Variants in TRA2B observed in about 807,000 individuals in gnomAD.
TRA2B encodes the protein transformer 2 beta homolog, also known as transformer-2 protein homolog beta.
Under a neutral mutation model 41.7 loss-of-function variants are expected in TRA2B, and 14 were observed. That is an observed-to-expected ratio of 0.34 (90% CI 0.22 to 0.53). TRA2B has a LOEUF of 0.53. Ranked by LOEUF, TRA2B falls within the 20% of genes least tolerant of loss-of-function variation. The probability of loss-of-function intolerance (pLI) is 0.95; values close to 1 mark genes in which losing one functional copy is unlikely to be tolerated. For synonymous variants in TRA2B, 130 were observed against 128.8 expected, an observed-to-expected ratio of 1.01 and a Z score of -0.06; for missense variants, 167 against 396.8, an observed-to-expected ratio of 0.42 and a Z score of 4.92.
In TRA2B at chr3:185,919,512, G is replaced by A. The variant is rs1331555892; in HGVS notation, c.723-16C>T. ...ACCTCCTCCTCTGTGAAGACAGAAA[G>A]GCAACACAACACGCATTCAGTTTGT... On this transcript the variant is annotated splice_polypyrimidine_tract_variant and intron_variant, in intron 6 of 8. Coordinates refer to ENST00000453386, the MANE Select transcript of TRA2B (RefSeq NM_004593.3). 25 of 1,606,844 alleles carry A rather than the reference G, an allele frequency of 1.6e-5. No homozygotes were observed. Among genetic ancestry groups the A allele is most frequent in the South Asian group, 2.2e-5 (2 of 89,824 alleles).
chr3:185,925,571 G>C lies in TRA2B; in HGVS notation c.226C>G (p.Arg76Gly). Reference sequence around the variant, plus strand: ...CTGCTACGTGATCGTCTATGGGAGCGGGAGCGAGACCGTGACCGGGTATAA... The same window carrying C: ...CTGCTACGTGATCGTCTATGGGAGCCGGAGCGAGACCGTGACCGGGTATAA... ...RHYTRSRSRS[R>G]SHRRSRSRSY... Residue 76 changes from arginine (R) to glycine (G), a missense_variant, in exon 3 of 9, where the codon CGC (arginine) becomes GGC (glycine). Transcript: ENST00000453386. 1 of 1,614,112 alleles carries C rather than the reference G, an allele frequency of 6.2e-7. No individual in the cohort carries two copies. The highest frequency in any genetic ancestry group is 8.5e-7 in the Non-Finnish European group (1 of 1,180,000).
chr3:185,935,899 A>AC, intron 1 of TRA2B: 1 of 984,390 alleles, frequency 1.0e-6, no homozygotes. Context: ...CTTATGTAAG[A>AC]AAAAAAACTC....
Position 185,933,680 on chromosome 3 carries a change from C to T in TRA2B, c.36+4145G>A, listed in dbSNP as rs150242174. On this transcript the variant is annotated intron_variant, in intron 1 of 8. Coordinates refer to ENST00000453386, the MANE Select transcript of TRA2B (RefSeq NM_004593.3). ...TTTTTTCTGGCAGCCAAACTGTCTA[C>T]CAGAAGAGTAAATGGATAAGTAAAT... is the stretch of plus-strand genomic sequence containing the variant. Among the ~76,000 whole-genome samples the T allele has an allele frequency of 3.0e-4, 46 of 151,936 alleles. No homozygotes were observed. In the East Asian group the frequency reaches 8.9e-3, roughly 29 times the overall value.
chr3:185,934,635 G>C, intron 1 of TRA2B: 1 of 985,374 alleles, frequency 1.0e-6, no homozygotes, highest in Non-Finnish European at 1.2e-6. Context: ...AATTTGGTGA[G>C]ATGGCTGCAA....
rs571146114 is a variant in TRA2B, at chr3:185,917,027, T to C, written c.*688A>G. The C allele has an allele frequency of 2.6e-5, 4 of 152,648 alleles. No individual in the cohort carries two copies. In the South Asian group the frequency reaches 8.3e-4, roughly 32 times the overall value. 9.5% of individuals were successfully genotyped at this position (152,648 alleles called of 1,614,324 possible). On this transcript the variant is annotated 3_prime_UTR_variant, in exon 9 of 9. Transcript: ENST00000453386. Reference sequence around the variant, plus strand: ...TACCATTATCCCCTTGTAACACCTTTAAGAAACAGCCTTTTAAGGCATACA... The same window carrying C: ...TACCATTATCCCCTTGTAACACCTTCAAGAAACAGCCTTTTAAGGCATACA...
At position 185,935,474 on chromosome 3, in the gene TRA2B, A is replaced by G. The variant is rs977326220; in HGVS notation, c.36+2351T>C. The G allele has an allele frequency of 3.6e-5, 35 of 985,282 alleles. No homozygotes were observed. In the South Asian group the frequency reaches 1.5e-3, roughly 41 times the overall value. The allele number at this position is 985,282 out of a possible 1,614,324, so 61.0% of individuals were successfully genotyped here. ...GAGAATAATTTATCCCACACACCCA[A>G]CCTTAAAGGGGAGGGACACAACAAC... On this transcript the variant is annotated intron_variant, in intron 1 of 8. Coordinates refer to ENST00000453386, the MANE Select transcript of TRA2B (RefSeq NM_004593.3).
intron 1 of TRA2B, chr3:185,936,266 T>C (rs1005884884): frequency 5.1e-6 from 5 of 985,328 alleles, no homozygotes; most frequent in African/African-American, 3.5e-5. Context: ...ATGACTGTTA[T>C]AACAGATTCA....
intron 1 of TRA2B, chr3:185,936,853 T>G: frequency 1.0e-6 from 1 of 985,420 alleles, no homozygotes; most frequent in East Asian, 1.1e-4. Context: ...CTACGTATGC[T>G]GTTTAAACCC....
chr3:185,937,229 T>C, intron 1 of TRA2B: 3 of 985,908 alleles, frequency 3.0e-6, no homozygotes, highest in Non-Finnish European at 3.6e-6. Context: ...GGCCTTGGAT[T>C]AGTTTCCATC....
At chr3:185,924,684 T>C (rs1743875787) in intron 3 of TRA2B, 1 of 152,380 alleles carries the variant, frequency 6.6e-6, no homozygotes, top group Non-Finnish European at 1.5e-5. Flanking sequence ...TGTGGTGGCA[T>C]GCCTCTAGTC....
chr3:185,919,131 T>C (rs903997926), intron 7 of TRA2B, among the ~76,000 whole-genome samples: 12 of 152,304 alleles, frequency 7.9e-5, no homozygotes, highest in African/African-American at 2.6e-4. Context: ...AGATGCTTAC[T>C]TTTAAAAAGC....
At chr3:185,933,207 A>T (rs1453069898) in intron 1 of TRA2B, among the ~76,000 whole-genome samples, 1 of 152,212 alleles carries the variant, frequency 6.6e-6, no homozygotes, top group Non-Finnish European at 1.5e-5. Flanking sequence ...ACAAGAATAG[A>T]GGCCATAGCT....
intron 6 of TRA2B, 41 bp downstream of exon 6, chr3:185,921,063 T>C (rs950895180): frequency 6.4e-6 from 10 of 1,559,378 alleles, no homozygotes; most frequent in Non-Finnish European, 8.8e-6. Flanking sequence ...CTGTACACTG[T>C]ACTGAGATTC....
At chr3:185,924,141 C>A (rs778802306) in intron 3 of TRA2B, 157 bp from the exon 4 acceptor site, 10 of 550,772 alleles carry the variant, frequency 1.8e-5, no homozygotes, top group Non-Finnish European at 2.6e-5. Flanking sequence ...ACAGCAAGTA[C>A]TACAAGTATT....
chr3:185,935,986 A>T (rs1333812190), intron 1 of TRA2B: 2 of 985,344 alleles, frequency 2.0e-6, no homozygotes, highest in Non-Finnish European at 2.4e-6. Flanking sequence ...TACTAGTAAA[A>T]AGATAACCCA....
chr3:185,926,998 G>C (rs1297045523), intron 1 of TRA2B: 9 of 376,316 alleles, frequency 2.4e-5, no homozygotes, highest in Middle Eastern at 8.1e-4. Context: ...GGGTGCCAAA[G>C]TCAAGCAGTT....
rs763389343 is a variant in TRA2B at position 185,921,213 on chromosome 3, A to T, written c.639-26T>A. On this transcript the variant is annotated intron_variant, in intron 5 of 8. Coordinates refer to ENST00000453386, the MANE Select transcript of TRA2B (RefSeq NM_004593.3). ...CTATGAAGAAAAAAATATTCAGGTG[A>T]CCTCCCTTATCTTTCTGGACATGAG... 3.1e-6 allele frequency: 5 copies of T among 1,602,922 alleles called. No homozygotes were observed. In the Admixed American group the frequency reaches 8.3e-5, roughly 27 times the overall value.
At chr3:185,931,962 A>G (rs1448490301) in intron 1 of TRA2B, 3 of 799,154 alleles carry the variant, frequency 3.8e-6, no homozygotes, top group African/African-American at 3.6e-5. Context: ...GGATTAAAAA[A>G]AAAAAAAAAG....
chr3:185,922,236 T>C, intron 4 of TRA2B, 110 bp from the exon 5 acceptor site: 1 of 658,190 alleles, frequency 1.5e-6, no homozygotes, highest in South Asian at 2.3e-5. Context: ...TTAAGTTATC[T>C]TAATGTTAGC....
Sources: allele counts gnomAD v4.1 joint callset (sites outside exome capture counted in the v4.1 genomes callset), GRCh38; gene constraint gnomAD v4.1.1; transcripts MANE v1.5; gene names NCBI Gene and HGNC (gene_info 2026-07-23, HGNC 2026-07-21).